The following ZIM2 variants were observed in gnomAD, a reference collection of about 807,000 sequenced individuals.
ZIM2 encodes zinc finger protein 656.
In ZIM2, 14 loss-of-function variants were observed where a neutral mutation model predicts 38.6. The ratio of observed to expected loss-of-function variants is 0.36; its 90% CI spans 0.24 to 0.57. The LOEUF (loss-of-function observed/expected upper bound fraction) is 0.57, where lower values mean the gene tolerates loss of function less well. Ranked by LOEUF, ZIM2 falls within the 20% of genes least tolerant of loss-of-function variation. The pLI is 0.81. For missense variants in ZIM2, 680 were observed against 695.1 expected (o/e 0.98, Z 0.24); for synonymous variants, 247 against 245.8 (o/e 1.00, Z -0.04).
intron 9 of ZIM2, chr19:56,810,480 G>A: frequency 1.0e-6 from 1 of 984,972 alleles, no homozygotes; most frequent in Non-Finnish European, 1.2e-6. Flanking sequence ...CTAGTGCACA[G>A]ATCAAGATGT....
At chr19:56,796,818 C>G (rs2047253892) in intron 9 of ZIM2, among the ~76,000 whole-genome samples, 1 of 152,184 alleles carries the variant, frequency 6.6e-6, no homozygotes, top group African/African-American at 2.4e-5. Context: ...AGTCACAGAG[C>G]ATGGTGAAAA....
intron 9 of ZIM2, among the ~76,000 whole-genome samples, chr19:56,795,616 G>T (rs531438070): frequency 4.6e-5 from 7 of 152,334 alleles, no homozygotes; most frequent in African/African-American, 1.7e-4. Context: ...TGTGAGACAC[G>T]AGGATAGGGT....
chr19:56,804,686 GTTAGGA>G (rs954564989), intron 9 of ZIM2, among the ~76,000 whole-genome samples: 2 of 152,172 alleles, frequency 1.3e-5, no homozygotes, highest in African/African-American at 4.8e-5. Flanking sequence ...CAGGCAGAGG[GTTAGGA>G]TTAGAAGTGT....
At chr19:56,810,304 G>A (rs2048036483) in intron 9 of ZIM2, 1 of 981,582 alleles carries the variant, frequency 1.0e-6, no homozygotes, top group Non-Finnish European at 1.2e-6. Flanking sequence ...GGAAATATAT[G>A]TAGTAAAGGT....
At chr19:56,779,557 C>G in intron 11 of ZIM2, 85 bp from the exon 12 acceptor site, 1 of 1,302,574 alleles carries the variant, frequency 7.7e-7, no homozygotes, top group Middle Eastern at 1.9e-4. Flanking sequence ...AAGGAAGGAA[C>G]AAACTCTCGC....
intron 9 of ZIM2, chr19:56,816,877 T>C (rs759854547): frequency 1.4e-5 from 22 of 1,614,174 alleles, no homozygotes; most frequent in Non-Finnish European, 1.8e-5. Context: ...CTTCCGATGT[T>C]CAGCCAAGGC....
chr19:56,816,948 A>G, intron 9 of ZIM2: 1 of 1,614,108 alleles, frequency 6.2e-7, no homozygotes, highest in Non-Finnish European at 8.5e-7. Flanking sequence ...CTCCAACCTG[A>G]CTTTTCTGAA....
intron 2 of ZIM2, among the ~76,000 whole-genome samples, chr19:56,828,116 C>A (rs2061235266): frequency 6.6e-6 from 1 of 152,170 alleles, no homozygotes; most frequent in African/African-American, 2.4e-5. Flanking sequence ...GTGCTACTCA[C>A]AGAGCAGGTG....
chr19:56,814,433 A>T lies in ZIM2; in HGVS notation c.490+3313T>A. On this transcript the variant is annotated intron_variant, in intron 9 of 12. Coordinates refer to ENST00000629319, the MANE Select transcript of ZIM2 (RefSeq NM_001387356.1). This position sits in a 1 kb window ranked among gnomAD's most constrained non-coding sequence, Gnocchi z 5.8. ...GTGCTATGAATAAAGGACTTACCAC[A>T]ATCCTTGCATTCATAGAATGGTATA... is the stretch of plus-strand genomic sequence containing the variant. 1 of 1,614,050 alleles carries T rather than the reference A, an allele frequency of 6.2e-7. No homozygotes were observed. The highest frequency in any genetic ancestry group is 8.5e-7 in the Non-Finnish European group (1 of 1,179,884).
chr19:56,813,836 C>G, intron 9 of ZIM2: 1 of 1,614,200 alleles, frequency 6.2e-7, no homozygotes, highest in Non-Finnish European at 8.5e-7. Context: ...AAGGCATTTG[C>G]AGGCTCAAAT....
chr19:56,840,153 C>T (rs1049075490), intron 1 of ZIM2, among the ~76,000 whole-genome samples: 3 of 152,208 alleles, frequency 2.0e-5, no homozygotes, highest in Admixed American at 6.5e-5. Flanking sequence ...AGCCGCATTC[C>T]GCCGTGGCAA....
chr19:56,809,422 G>T (rs1303964933), intron 9 of ZIM2, among the ~76,000 whole-genome samples: 3 of 152,148 alleles, frequency 2.0e-5, no homozygotes, highest in Admixed American at 2.0e-4. Flanking sequence ...ATGGAATCAG[G>T]GACACAGCAG....
chr19:56,815,416 C>G (rs200013268), intron 9 of ZIM2: 1 of 1,614,076 alleles, frequency 6.2e-7, no homozygotes, highest in East Asian at 2.2e-5. Context: ...AGGGGCCAAG[C>G]TGCGAATGAC....
chr19:56,810,313 G>A, intron 9 of ZIM2: 1 of 983,268 alleles, frequency 1.0e-6, no homozygotes, highest in African/African-American at 1.7e-5. Context: ...TGTAGTAAAG[G>A]TGGACTACCA....
rs145933493 is a variant in ZIM2, at chr19:56,821,712, G to C, written c.233C>G (p.Thr78Arg). 3.7e-6 allele frequency: 6 copies of C among 1,614,002 alleles called. No homozygotes were observed. The highest frequency in any genetic ancestry group is 5.1e-6 in the Non-Finnish European group (6 of 1,180,016). Reference sequence around the variant, plus strand: ...GTCCTCTCTGTCCATTTCAAAGCTTGTTTTCGCCACCACAGGAAGGGAAAG... The same window carrying C: ...GTCCTCTCTGTCCATTTCAAAGCTTCTTTTCGCCACCACAGGAAGGGAAAG... ...RDLSLPVVAK[T>R]SFEMDREDDR... is the part of the protein sequence containing the mutation. Residue 78 changes from threonine to arginine, a missense_variant, in exon 7 of 13, where the codon ACA becomes AGA. Thr to Arg is a moderately conservative substitution (Grantham distance 71). Transcript: ENST00000629319.
intron 9 of ZIM2, chr19:56,810,772 G>A (rs2048089588): frequency 1.0e-6 from 1 of 981,390 alleles, no homozygotes; most frequent in Middle Eastern, 5.3e-4. Context: ...ACAAGATAGA[G>A]GAAACAGATC....
chr19:56,815,909 T>C (rs2059933858), intron 9 of ZIM2: 5 of 1,611,280 alleles, frequency 3.1e-6, no homozygotes, highest in Non-Finnish European at 3.4e-6. Flanking sequence ...TTGTGACTTC[T>C]TGGAGGTTTG....
intron 9 of ZIM2, chr19:56,813,526 T>C (rs951944282): frequency 6.3e-6 from 9 of 1,439,108 alleles, no homozygotes; most frequent in Non-Finnish European, 8.2e-6. Flanking sequence ...TCGGTCTCTT[T>C]TCAATCTGAG....
intron 12 of ZIM2, among the ~76,000 whole-genome samples, chr19:56,776,637 A>G (rs1465047407): frequency 1.3e-5 from 2 of 152,162 alleles, no homozygotes; most frequent in Non-Finnish European, 2.9e-5. Flanking sequence ...CTGTCAACCA[A>G]TCCTCTTTAA....
Sources: gnomAD v4.1 joint callset for allele counts (sites outside exome capture counted in the v4.1 genomes callset) on GRCh38, gnomAD v4.1.1 for gene constraint, Gnocchi (gnomAD v3.1) non-coding constraint, MANE v1.5 for transcripts, NCBI Gene and HGNC (gene_info 2026-07-23, HGNC 2026-07-21) for gene names.